Variants in SHROOM3 observed in about 807,000 individuals in gnomAD.
SHROOM3 encodes the protein shroom family member 3, also known as protein Shroom3.
In SHROOM3, 47 loss-of-function variants were observed where a neutral mutation model predicts 138.6. That is an observed-to-expected ratio of 0.34 (90% CI 0.27 to 0.43). SHROOM3 has a LOEUF of 0.43. Among genes scored for constraint, SHROOM3 ranks in the 20% least tolerant of loss-of-function variants. SHROOM3 has a pLI of 1.00. For missense variants in SHROOM3, 2,491 were observed against 2,596.5 expected (o/e 0.96, Z 0.88); for synonymous variants, 1,062 against 1,063.3 (o/e 1.00, Z 0.02).
chr4:76,680,440 G>T lies in SHROOM3; in HGVS notation c.324-29716G>T, dbSNP rs185850893. Among the ~76,000 whole-genome samples the T allele has an allele frequency of 7.3e-3, 1,113 of 152,268 alleles. 54 individuals carry two copies. Among genetic ancestry groups the T allele is most frequent in the Admixed American group, 0.064 (972 of 15,286 alleles). Reference sequence around the variant, plus strand: ...AGGCGTAAGCCACTGTACCTGGCCCGACCTATACCTTTTACAAGTGAATTT... The same window carrying T: ...AGGCGTAAGCCACTGTACCTGGCCCTACCTATACCTTTTACAAGTGAATTT... On this transcript the variant is annotated intron_variant, in intron 2 of 10. Transcript: ENST00000296043.
chr4:76,448,437 A>T (rs1448438449), intron 1 of SHROOM3, among the ~76,000 whole-genome samples: 1 of 152,116 alleles, frequency 6.6e-6, no homozygotes, highest in African/African-American at 2.4e-5. Context: ...AGCATCTGCA[A>T]TTCTTTGCTT....
At chr4:76,644,566 GGT>G (rs1491578433) in intron 2 of SHROOM3, among the ~76,000 whole-genome samples, 2 of 149,542 alleles carry the variant, frequency 1.3e-5, no homozygotes, top group African/African-American at 2.4e-5. Context: ...GGACATACGG[GGT>G]TTTTTTTTTT....
At chr4:76,769,500 C>T (rs533510845) in intron 9 of SHROOM3, among the ~76,000 whole-genome samples, 68 of 152,288 alleles carry the variant, frequency 4.5e-4, no homozygotes, top group Non-Finnish European at 8.4e-4. Context: ...CTAGAAGCCA[C>T]TAAGACATTT....
At chr4:76,525,752 T>C (rs6854652) in intron 1 of SHROOM3, among the ~76,000 whole-genome samples, 112,416 of 152,192 alleles carry the variant, frequency 0.74, 42,482 homozygotes, top group East Asian at 0.92. Flanking sequence ...GAATATATTT[T>C]AATTCAGCTC....
rs200036024 is a variant in SHROOM3, at chr4:76,484,479, G to T, written c.168+48259G>T. On this transcript the variant is annotated intron_variant, in intron 1 of 10. Coordinates refer to ENST00000296043, the MANE Select transcript of SHROOM3 (RefSeq NM_020859.4). Reference sequence around the variant, plus strand: ...CCAGCTACTTGGGAGGCTGAGCTGGGAGGATCATTTGAGCCCAGGAGTTGG... The same window carrying T: ...CCAGCTACTTGGGAGGCTGAGCTGGTAGGATCATTTGAGCCCAGGAGTTGG... Among the ~76,000 whole-genome samples the T allele has an allele frequency of 5.3e-5, 8 of 152,120 alleles. No individual in the cohort carries two copies. The East Asian group carries it at 1.5e-3, about 29-fold the overall frequency.
intron 2 of SHROOM3, among the ~76,000 whole-genome samples, chr4:76,665,397 G>A (rs898249528): frequency 3.3e-5 from 5 of 152,150 alleles, no homozygotes; most frequent in Non-Finnish European, 7.3e-5. Context: ...ACCTGGGAAG[G>A]TGTACCAGGA....
chr4:76,612,033 A>G (rs1734774656), intron 2 of SHROOM3, among the ~76,000 whole-genome samples: 1 of 152,072 alleles, frequency 6.6e-6, no homozygotes, highest in Non-Finnish European at 1.5e-5. Flanking sequence ...TTCTGATCCA[A>G]ACCCCCTGCT....
intron 1 of SHROOM3, among the ~76,000 whole-genome samples, chr4:76,536,583 T>C (rs1336319492): frequency 6.6e-6 from 1 of 152,192 alleles, no homozygotes; most frequent in Non-Finnish European, 1.5e-5. Flanking sequence ...CTTTAATCCC[T>C]CCATGCCCCT....
At chr4:76,680,282 A>G (rs1252446135) in intron 2 of SHROOM3, among the ~76,000 whole-genome samples, 1 of 151,818 alleles carries the variant, frequency 6.6e-6, no homozygotes, top group Non-Finnish European at 1.5e-5. Flanking sequence ...CTGGGACTAC[A>G]GGCGCCCACC....
chr4:76,514,912 T>C (rs1732413436), intron 1 of SHROOM3, among the ~76,000 whole-genome samples: 1 of 151,992 alleles, frequency 6.6e-6, no homozygotes, highest in African/African-American at 2.4e-5. Context: ...GGAAACATAG[T>C]GAGACCCATT....
intron 2 of SHROOM3, among the ~76,000 whole-genome samples, chr4:76,620,847 C>T (rs1270028118): frequency 6.6e-6 from 1 of 152,112 alleles, no homozygotes; most frequent in Non-Finnish European, 1.5e-5. Flanking sequence ...GGCATTTCTC[C>T]ACTCTTTAAT....
chr4:76,714,132 A>G (rs1306682943), intron 3 of SHROOM3, among the ~76,000 whole-genome samples: 1 of 152,226 alleles, frequency 6.6e-6, no homozygotes, highest in Non-Finnish European at 1.5e-5. Context: ...TTATAACCGT[A>G]GTACAAATAT....
rs757783163 is a variant in SHROOM3, at chr4:76,755,191, A to G, written c.4708A>G (p.Ser1570Gly). 180 of 1,613,180 alleles carry G rather than the reference A, an allele frequency of 1.1e-4. No homozygotes were observed. Among genetic ancestry groups the G allele is most frequent in the Non-Finnish European group, 1.5e-4 (177 of 1,179,790 alleles). The change falls in exon 7 of 11, where the codon AGC (serine) becomes GGC (glycine). Residue 1570 changes from serine (S) to glycine (G), a missense_variant and splice_region_variant. By Grantham distance (56) the Ser-to-Gly change is moderately conservative (BLOSUM62 0). Coordinates refer to ENST00000296043, the MANE Select transcript of SHROOM3 (RefSeq NM_020859.4). ...TGAGGATCCCGAGGGGCCACGCCCC[A>G]GGTGAGTGAGCAGACTGGGCAGCTT... ...DSEDPEGPRP[S>G]FNKLSKVTIA...
intron 3 of SHROOM3, among the ~76,000 whole-genome samples, chr4:76,719,810 A>C (rs1273696603): frequency 2.0e-5 from 3 of 152,216 alleles, no homozygotes; most frequent in African/African-American, 7.2e-5. Context: ...GGGAGGAGAT[A>C]ACTAGTAGTG....
chr4:76,502,701 G>T (rs1732124725), intron 1 of SHROOM3, among the ~76,000 whole-genome samples: 1 of 152,146 alleles, frequency 6.6e-6, no homozygotes, highest in South Asian at 2.1e-4. Context: ...TTTTAAAAAG[G>T]CATGTTTGCT....
intron 2 of SHROOM3, among the ~76,000 whole-genome samples, chr4:76,566,989 C>T (rs1733738140): frequency 6.6e-6 from 1 of 152,226 alleles, no homozygotes; most frequent in Non-Finnish European, 1.5e-5. Context: ...AGTCTAGAGG[C>T]CCGTGCCGCT....
chr4:76,518,457 C>T (rs1388734740), intron 1 of SHROOM3, among the ~76,000 whole-genome samples: 3 of 151,714 alleles, frequency 2.0e-5, no homozygotes, highest in African/African-American at 7.3e-5. Context: ...TTTTCTTTCC[C>T]CTCCCCCCTC....
At chr4:76,719,682 A>C (rs1334022716) in intron 3 of SHROOM3, among the ~76,000 whole-genome samples, 2 of 139,418 alleles carry the variant, frequency 1.4e-5, no homozygotes, top group East Asian at 4.4e-4. Context: ...TCAATTTGTT[A>C]CCCCCCGGCA....
chr4:76,646,775 G>A (rs1257382086), intron 2 of SHROOM3, among the ~76,000 whole-genome samples: 1 of 152,316 alleles, frequency 6.6e-6, no homozygotes, highest in Admixed American at 6.5e-5. Context: ...AATAACACAT[G>A]TTGGTAAGTA....
Sources: allele counts gnomAD v4.1 joint callset (sites outside exome capture counted in the v4.1 genomes callset), GRCh38; gene constraint gnomAD v4.1.1; transcripts MANE v1.5; gene names NCBI Gene and HGNC (gene_info 2026-07-23, HGNC 2026-07-21).